The following HMGN5 variants were observed in gnomAD, a reference collection of about 807,000 sequenced individuals.
The protein encoded by HMGN5 is high mobility group nucleosome binding domain 5.
A neutral mutation model predicts 9.5 loss-of-function variants in HMGN5; 4 were observed. The ratio of observed to expected loss-of-function variants is 0.42; its 90% CI spans 0.21 to 0.96. HMGN5 has a LOEUF of 0.96. Among genes scored for constraint, HMGN5 ranks in the 40% least tolerant of loss-of-function variants. HMGN5 has a pLI of 0.30. For missense variants in HMGN5, 192 were observed against 187.5 expected (o/e 1.02, Z -0.14); for synonymous variants, 55 against 57.1 (o/e 0.96, Z 0.16).
At chrX:81,182,415 C>T (rs1224064053) in intron 1 of HMGN5, among the ~76,000 whole-genome samples, 1 of 111,903 alleles carries the variant, frequency 8.9e-6, no homozygotes, top group Non-Finnish European at 1.9e-5. Context: ...AATTGTAATT[C>T]CCAATGTTGG....
chrX:81,118,848 C>A, intron 3 of HMGN5, 89 bp from the exon 4 acceptor site: 2 of 571,682 alleles, frequency 3.5e-6, no homozygotes, highest in Non-Finnish European at 5.7e-6. Flanking sequence ...TTTGGTGTAA[C>A]AATACATAAA....
At chrX:81,169,813 G>A (rs1166729924) in intron 1 of HMGN5, among the ~76,000 whole-genome samples, 1 of 111,121 alleles carries the variant, frequency 9.0e-6, no homozygotes, top group Non-Finnish European at 1.9e-5. Flanking sequence ...CCAACACTTT[G>A]GGAGGTCAAG....
intron 1 of HMGN5, among the ~76,000 whole-genome samples, chrX:81,153,242 C>A (rs2147564316): frequency 9.2e-6 from 1 of 108,556 alleles, no homozygotes; most frequent in South Asian, 4.1e-4. Flanking sequence ...TACTTCAAAA[C>A]TGAGTTCAAT....
At chrX:81,138,242 C>CAA (rs1160496384) in intron 1 of HMGN5, among the ~76,000 whole-genome samples, 1 of 111,788 alleles carries the variant, frequency 8.9e-6, no homozygotes, top group East Asian at 2.8e-4. Context: ...AAAGAAATTA[C>CAA]ATACAATGAC....
chrX:81,173,172 G>A lies in HMGN5; in HGVS notation c.-124+28565C>T, dbSNP rs367635301. Among the ~76,000 whole-genome samples, 11 of 110,788 alleles carry A rather than the reference G, an allele frequency of 9.9e-5. No individual in the cohort carries two copies. In the East Asian group the frequency reaches 2.8e-3, roughly 28 times the overall value. On this transcript the variant is annotated intron_variant, in intron 1 of 6. Transcript: ENST00000358130. ...AGTTATGGTACATTCATACAATGGAGTACTACTCACCTGTTTGAAAAACAA... is the reference window on the plus strand; with the variant it reads ...AGTTATGGTACATTCATACAATGGAATACTACTCACCTGTTTGAAAAACAA...
chrX:81,125,631 G>C (rs867413594), intron 1 of HMGN5, among the ~76,000 whole-genome samples: 33 of 111,690 alleles, frequency 3.0e-4, no homozygotes, highest in African/African-American at 8.8e-4. Context: ...AAATTGAGCT[G>C]CTTTCTAGGG....
chrX:81,127,664 G>A (rs2075287939), intron 1 of HMGN5, among the ~76,000 whole-genome samples: 1 of 109,881 alleles, frequency 9.1e-6, no homozygotes. Flanking sequence ...GTTTCGTTTT[G>A]TTGTAAATTA....
intron 1 of HMGN5, among the ~76,000 whole-genome samples, chrX:81,162,851 A>T (rs919136899): frequency 9.0e-6 from 1 of 111,105 alleles, no homozygotes; most frequent in Non-Finnish European, 1.9e-5. Context: ...TGTTGGGAGG[A>T]TATTAGTTAT....
chrX:81,175,723 G>C (rs1322808024), intron 1 of HMGN5, among the ~76,000 whole-genome samples: 1 of 111,388 alleles, frequency 9.0e-6, no homozygotes, highest in African/African-American at 3.3e-5. Flanking sequence ...CCAATAATCT[G>C]TTATGGAGCA....
At chrX:81,120,897 A>C (rs2075266546) in intron 2 of HMGN5, among the ~76,000 whole-genome samples, 1 of 110,671 alleles carries the variant, frequency 9.0e-6, no homozygotes, top group African/African-American at 3.3e-5. Context: ...TAATCTTCCC[A>C]TCTTTAGCTA....
At chrX:81,157,139 T>G (rs1390632942) in intron 1 of HMGN5, among the ~76,000 whole-genome samples, 1 of 111,635 alleles carries the variant, frequency 9.0e-6, no homozygotes, top group Non-Finnish European at 1.9e-5. Context: ...CCCATTGCCT[T>G]GAAATCTGCC....
chrX:81,193,386 C>T (rs1479294060), intron 1 of HMGN5, among the ~76,000 whole-genome samples: 1 of 112,100 alleles, frequency 8.9e-6, no homozygotes, highest in African/African-American at 3.2e-5. Context: ...ATAAAGAAAC[C>T]TCCAAATGGT....
intron 1 of HMGN5, among the ~76,000 whole-genome samples, chrX:81,156,261 G>A (rs1231340102): frequency 8.9e-6 from 1 of 112,241 alleles, no homozygotes; most frequent in East Asian, 2.8e-4. Flanking sequence ...AGCAGACATT[G>A]TACTATGTGA....
intron 1 of HMGN5, among the ~76,000 whole-genome samples, chrX:81,186,401 G>A (rs768486392): frequency 8.9e-6 from 1 of 111,977 alleles, no homozygotes; most frequent in South Asian, 3.7e-4. Context: ...GCATATGGTT[G>A]CTTACAGTAG....
intron 1 of HMGN5, among the ~76,000 whole-genome samples, chrX:81,178,890 G>C (rs2075451435): frequency 9.0e-6 from 1 of 111,476 alleles, no homozygotes; most frequent in South Asian, 3.8e-4. Context: ...TGCAAGGCTG[G>C]TTCAAAATAC....
intron 1 of HMGN5, among the ~76,000 whole-genome samples, chrX:81,160,322 G>A (rs2147571219): frequency 9.0e-6 from 1 of 111,701 alleles, no homozygotes; most frequent in East Asian, 2.8e-4. Flanking sequence ...CAAATAACTT[G>A]TGTGCAGACT....
At chrX:81,123,223 C>CATT (rs752135184) in intron 1 of HMGN5, among the ~76,000 whole-genome samples, 8 of 108,996 alleles carry the variant, frequency 7.3e-5, no homozygotes, top group Non-Finnish European at 1.5e-4. Context: ...ATATTTATAT[C>CATT]ATTATTATTA....
At chrX:81,180,224 G>A (rs1173519945) in intron 1 of HMGN5, among the ~76,000 whole-genome samples, 1 of 111,539 alleles carries the variant, frequency 9.0e-6, no homozygotes, top group Non-Finnish European at 1.9e-5. Context: ...AAACTAAAGA[G>A]CTTTTGCACA....
intron 1 of HMGN5, among the ~76,000 whole-genome samples, chrX:81,141,642 G>A (rs1403836065): frequency 9.0e-6 from 1 of 111,729 alleles, no homozygotes; most frequent in Non-Finnish European, 1.9e-5. Context: ...AAGTGTTAGT[G>A]GGCTTTGGAA....
Sources: allele counts gnomAD v4.1 joint callset (sites outside exome capture counted in the v4.1 genomes callset), GRCh38; gene constraint gnomAD v4.1.1; transcripts MANE v1.5; gene names NCBI Gene and HGNC (gene_info 2026-07-23, HGNC 2026-07-21).